The following C6 variants were observed in gnomAD, a reference collection of about 807,000 sequenced individuals.
C6 encodes complement C6.
A neutral mutation model predicts 112.9 loss-of-function variants in C6; 101 were observed. That is an observed-to-expected ratio of 0.89 (90% CI 0.76 to 1.06). C6 has a LOEUF of 1.06. Ranked by LOEUF, C6 falls within the 50% of genes least tolerant of loss-of-function variation. The probability of loss-of-function intolerance (pLI) is 0.00; values close to 1 mark genes in which losing one functional copy is unlikely to be tolerated. For synonymous variants in C6, 431 were observed against 384.1 expected, an observed-to-expected ratio of 1.12 and a Z score of -1.43; for missense variants, 1,202 against 1,104.6, an observed-to-expected ratio of 1.09 and a Z score of -1.25.
intron 1 of C6, among the ~76,000 whole-genome samples, chr5:41,250,213 AC>A (rs1741263966): frequency 6.6e-6 from 1 of 152,102 alleles, no homozygotes; most frequent in South Asian, 2.1e-4. Context: ...CTCCACTCTC[AC>A]CCTAGGCTTG....
chr5:41,144,705 A>T (rs1205368201), intron 17 of C6, among the ~76,000 whole-genome samples: 1 of 152,164 alleles, frequency 6.6e-6, no homozygotes, highest in East Asian at 1.9e-4. Context: ...AGCATAGTGC[A>T]TGATGGGTAG....
chr5:41,190,528 C>T (rs1054064539), intron 5 of C6, among the ~76,000 whole-genome samples: 1 of 152,108 alleles, frequency 6.6e-6, no homozygotes, highest in Non-Finnish European at 1.5e-5. Flanking sequence ...GAATAGCTGG[C>T]ACATACTTTT....
rs117445335 is a variant in C6 at position 41,161,851 on chromosome 5, T to A, written c.1300A>T (p.Ile434Leu). The A allele has an allele frequency of 1.9e-6, 3 of 1,613,480 alleles. No individual in the cohort carries two copies. In the South Asian group the frequency reaches 3.3e-5, roughly 18 times the overall value. ...GATATGGATTTCTCTGCTCCCTGTA[T>A]AAATGAACCTGCAAGGTGTTTCAAT... ...KLSEKHEGSF[I>L]QGAEKSISLI... The change falls in exon 10 of 18, where the codon ATA becomes TTA. Residue 434 changes from isoleucine to leucine, a missense_variant. By Grantham distance (5) the Ile-to-Leu change is conservative (BLOSUM62 2). Coordinates refer to ENST00000337836, the MANE Select transcript of C6 (RefSeq NM_000065.5).
intron 13 of C6, 52 bp downstream of exon 13, chr5:41,158,622 C>A: frequency 2.1e-6 from 2 of 930,868 alleles, no homozygotes; most frequent in Non-Finnish European, 3.6e-6. Flanking sequence ...ACAAGCTATA[C>A]TTTTCGAGGT....
chr5:41,176,956 C>T (rs949211490), intron 7 of C6, among the ~76,000 whole-genome samples: 11 of 152,152 alleles, frequency 7.2e-5, no homozygotes, highest in African/African-American at 1.9e-4. Context: ...AATGGGGGCA[C>T]GTGTTCTCTA....
Position 41,143,002 on chromosome 5 carries a change from G to A in C6, c.2628C>T (p.Ser876=). The A allele has an allele frequency of 5.6e-6, 9 of 1,613,206 alleles. No homozygotes were observed. The highest frequency in any genetic ancestry group is 6.8e-6 in the Non-Finnish European group (8 of 1,179,416). The change falls in exon 18 of 18, where the codon TCC becomes TCT. Residue 876 remains serine, a synonymous_variant. Transcript: ENST00000337836. Reference sequence around the variant, plus strand: ...GCAATAGGCAGACACATTTGGAAGTGGAGGCTGTAATGAGAGAGAGAGAGA... The same window carrying A: ...GCAATAGGCAGACACATTTGGAAGTAGAGGCTGTAATGAGAGAGAGAGAGA... ...TCYDWEKCSA[S]TSKCVCLLPP...
chr5:41,260,396 G>T (rs1741971169), intron 1 of C6, among the ~76,000 whole-genome samples: 1 of 151,294 alleles, frequency 6.6e-6, no homozygotes, highest in Non-Finnish European at 1.5e-5. Context: ...AGTGCTTTCA[G>T]ATCCCTTCTC....
At chr5:41,224,664 G>A (rs1739379496) in intron 1 of C6, among the ~76,000 whole-genome samples, 1 of 151,818 alleles carries the variant, frequency 6.6e-6, no homozygotes, top group African/African-American at 2.4e-5. Flanking sequence ...ATGGTCATTT[G>A]TGTTATTTCC....
chr5:41,254,769 CT>C (rs1281934529), intron 1 of C6, among the ~76,000 whole-genome samples: 1 of 152,168 alleles, frequency 6.6e-6, no homozygotes, highest in Non-Finnish European at 1.5e-5. Flanking sequence ...AAAATTTTAA[CT>C]GAAGAACAGT....
intron 5 of C6, among the ~76,000 whole-genome samples, chr5:41,190,661 A>G (rs1580152802): frequency 6.6e-6 from 1 of 152,172 alleles, no homozygotes; most frequent in East Asian, 1.9e-4. Flanking sequence ...AGTCTTTTTC[A>G]TAAAATGTTT....
At position 41,172,366 on chromosome 5, in the gene C6, A is replaced by G. The variant is rs1413906250; in HGVS notation, c.1169-19T>C. 6.2e-7 allele frequency: 1 copy of G among 1,612,768 alleles called. No homozygotes were observed. Among genetic ancestry groups the G allele is most frequent in the Non-Finnish European group, 8.5e-7 (1 of 1,179,076 alleles). On this transcript the variant is annotated intron_variant, in intron 8 of 17. Transcript: ENST00000337836. Reference sequence around the variant, plus strand: ...GTTAAACCTAGGAGATGAAGTACAAACAGAAACCACTGAGAATGCACCATT... The same window carrying G: ...GTTAAACCTAGGAGATGAAGTACAAGCAGAAACCACTGAGAATGCACCATT...
In C6 at chr5:41,203,083, C is replaced by T. The variant is rs745693735; in HGVS notation, c.143+5G>A. 1 of 1,613,898 alleles carries T rather than the reference C, an allele frequency of 6.2e-7. No individual in the cohort carries two copies. Among genetic ancestry groups the T allele is most frequent in the East Asian group, 2.2e-5 (1 of 44,866 alleles). The stretch of plus-strand genomic sequence containing the variant: ...ACAAAGAAAAGCCACAAAGCTCACA[C>T]CCACCTGTGTCTGCTCTGGGTTCCA... On this transcript the variant is annotated splice_donor_5th_base_variant and intron_variant, in intron 2 of 17. Transcript: ENST00000337836.
At chr5:41,176,343 C>T in intron 8 of C6, 132 bp downstream of exon 8, 4 of 925,538 alleles carry the variant, frequency 4.3e-6, no homozygotes, top group South Asian at 3.7e-5. Context: ...TTTTATCATT[C>T]TTCATATCAT....
At chr5:41,172,660 G>A in intron 8 of C6, 1 of 433,072 alleles carries the variant, frequency 2.3e-6, no homozygotes, top group Admixed American at 3.5e-5. Flanking sequence ...CTTGTTGCCT[G>A]CCACTTGTTG....
intron 1 of C6, among the ~76,000 whole-genome samples, chr5:41,232,655 T>A (rs1739979717): frequency 6.6e-6 from 1 of 151,948 alleles, no homozygotes; most frequent in South Asian, 2.1e-4. Context: ...TACAGAAAAG[T>A]AAAAAAAATT....
In C6 at chr5:41,199,771, T is replaced by C. The variant is rs1404683139; in HGVS notation, c.442A>G (p.Ser148Gly). The C allele has an allele frequency of 6.2e-7, 1 of 1,613,570 alleles. No individual in the cohort carries two copies. Residue 148 changes from serine (S) to glycine (G), a missense_variant, in exon 4 of 18, where the codon AGT (serine) becomes GGT (glycine). Transcript: ENST00000337836. The part of the protein sequence containing the change: ...ADCKNKFRCD[S>G]GRCIARKLEC... The stretch of plus-strand genomic sequence containing the variant: ...ACATTTCACAAAAATACATTACCAC[T>C]GTCACAGCGAAATTTATTCTTGCAG...
At chr5:41,260,512 G>A (rs2150449061) in intron 1 of C6, among the ~76,000 whole-genome samples, 1 of 151,254 alleles carries the variant, frequency 6.6e-6, no homozygotes, top group Non-Finnish European at 1.5e-5. Context: ...GCTCATGCTT[G>A]TAATCCCAGC....
upstream of C6, among the ~76,000 whole-genome samples, chr5:41,217,476 G>A (rs935682920): frequency 1.3e-5 from 2 of 152,114 alleles, no homozygotes; most frequent in African/African-American, 2.4e-5. Context: ...CTACAAATGT[G>A]CCCTTAGCTA....
chr5:41,207,263 C>T lies in C6; in HGVS notation c.-20-4013G>A, dbSNP rs568019324. On this transcript the variant is annotated intron_variant, in intron 1 of 17. Transcript: ENST00000337836. ...AGAAAGGAAAAACTGGTACCAGCCA[C>T]TGCAAAAACATGCCAAATTGTAAAG... is the stretch of plus-strand genomic sequence containing the variant. Among the ~76,000 whole-genome samples the T allele has an allele frequency of 2.0e-5, 3 of 152,316 alleles. No individual in the cohort carries two copies. In the South Asian group the frequency reaches 6.2e-4, roughly 32 times the overall value.
Sources: gnomAD v4.1 joint callset for allele counts (sites outside exome capture counted in the v4.1 genomes callset) on GRCh38, gnomAD v4.1.1 for gene constraint, MANE v1.5 for transcripts, NCBI Gene and HGNC (gene_info 2026-07-23, HGNC 2026-07-21) for gene names.